Variants in TANK observed in about 807,000 individuals in gnomAD.
TANK encodes the protein TRAF family member associated NFKB activator.
Under a neutral mutation model 43.6 loss-of-function variants are expected in TANK, and 15 were observed. That is an observed-to-expected ratio of 0.34 (90% CI 0.23 to 0.53). The LOEUF is 0.53. Among genes scored for constraint, TANK ranks in the 20% least tolerant of loss-of-function variants. TANK has a pLI of 0.94. For missense variants in TANK, 417 were observed against 498.6 expected (o/e 0.84, Z 1.56); for synonymous variants, 162 against 178.2 (o/e 0.91, Z 0.73).
At chr2:161,210,553 C>T (rs917796222) in intron 4 of TANK, among the ~76,000 whole-genome samples, 4 of 151,698 alleles carry the variant, frequency 2.6e-5, no homozygotes, top group African/African-American at 4.8e-5. Context: ...AAAAATTAGC[C>T]GGGCGTGGTG....
intron 3 of TANK, among the ~76,000 whole-genome samples, chr2:161,204,334 AAAT>A (rs1008438397): frequency 1.3e-5 from 2 of 152,186 alleles, no homozygotes; most frequent in Non-Finnish European, 2.9e-5. Context: ...GTCATAATAC[AAAT>A]AATTATCTTA....
intron 1 of TANK, among the ~76,000 whole-genome samples, chr2:161,138,710 G>T (rs1433776174): frequency 1.3e-5 from 2 of 152,194 alleles, no homozygotes; most frequent in East Asian, 3.8e-4. Flanking sequence ...GCAATGTCTA[G>T]TTACTTCTTT....
chr2:161,151,901 G>A (rs574782146), intron 1 of TANK, among the ~76,000 whole-genome samples: 9 of 151,802 alleles, frequency 5.9e-5, no homozygotes, highest in South Asian at 2.1e-4. Context: ...TATTCTTAGT[G>A]GTATACCATT....
At chr2:161,150,085 C>T (rs1031905396) in intron 1 of TANK, among the ~76,000 whole-genome samples, 1 of 152,004 alleles carries the variant, frequency 6.6e-6, no homozygotes, top group South Asian at 2.1e-4. Flanking sequence ...GTAGAATTCA[C>T]CAGTGAAGCT....
intron 4 of TANK, chr2:161,208,118 T>C: frequency 1.0e-6 from 1 of 972,388 alleles, no homozygotes; most frequent in African/African-American, 1.8e-5. Flanking sequence ...TTTGTTTTGT[T>C]TAGGATTTTG....
chr2:161,203,829 A>G (rs1423441659), intron 3 of TANK, among the ~76,000 whole-genome samples: 1 of 152,198 alleles, frequency 6.6e-6, no homozygotes, highest in East Asian at 1.9e-4. Context: ...CTTCCTAAAA[A>G]GCAATTTGCC....
chr2:161,160,645 A>G (rs1252393925), intron 1 of TANK, 159 bp downstream of exon 1: 2 of 594,870 alleles, frequency 3.4e-6, no homozygotes, highest in Non-Finnish European at 5.3e-6. Context: ...TTGGGGAGGG[A>G]TTTTGTGCGG....
intron 1 of TANK, among the ~76,000 whole-genome samples, chr2:161,167,576 G>A (rs1308403792): frequency 6.6e-6 from 1 of 152,078 alleles, no homozygotes; most frequent in Non-Finnish European, 1.5e-5. Flanking sequence ...GCCTTGGGGG[G>A]TTGCTCCATT....
intron 1 of TANK, among the ~76,000 whole-genome samples, chr2:161,142,815 G>C (rs1293874212): frequency 1.3e-5 from 2 of 152,044 alleles, no homozygotes; most frequent in African/African-American, 4.8e-5. Context: ...CTCTTTTGGG[G>C]TTTCCATATG....
intron 1 of TANK, 134 bp from the exon 2 acceptor site, chr2:161,179,480 G>A: frequency 1.5e-6 from 1 of 652,860 alleles, no homozygotes. Flanking sequence ...CAGGATTTTA[G>A]ATGAGACTTA....
At chr2:161,151,070 A>G (rs921426044) in intron 1 of TANK, among the ~76,000 whole-genome samples, 3 of 152,186 alleles carry the variant, frequency 2.0e-5, no homozygotes, top group Non-Finnish European at 4.4e-5. Context: ...CTTAATTTGC[A>G]CATATTTGTA....
At chr2:161,139,235 C>T (rs1038152507) in intron 1 of TANK, among the ~76,000 whole-genome samples, 26 of 152,070 alleles carry the variant, frequency 1.7e-4, no homozygotes, top group East Asian at 1.9e-4. Context: ...GAGCAGTCAA[C>T]CTTGTCTTGT....
At chr2:161,173,596 T>C (rs1371761989) in intron 1 of TANK, among the ~76,000 whole-genome samples, 1 of 152,178 alleles carries the variant, frequency 6.6e-6, no homozygotes, top group Admixed American at 6.5e-5. Flanking sequence ...CAAATGCTTA[T>C]ACCTGTGCTA....
chr2:161,194,978 C>T (rs1253675683), intron 2 of TANK, among the ~76,000 whole-genome samples: 1 of 152,028 alleles, frequency 6.6e-6, no homozygotes, highest in African/African-American at 2.4e-5. Flanking sequence ...AGTTTCTGAT[C>T]AAAGCTTTAT....
At chr2:161,209,476 C>CT (rs1321856413) in intron 4 of TANK, among the ~76,000 whole-genome samples, 1 of 152,040 alleles carries the variant, frequency 6.6e-6, no homozygotes, top group African/African-American at 2.4e-5. Flanking sequence ...GTTTAATTCA[C>CT]TTTTTTAAAA....
At chr2:161,217,585 TTGTG>T (rs375688309) in intron 4 of TANK, among the ~76,000 whole-genome samples, 2,733 of 136,582 alleles carry the variant, frequency 0.02, 33 homozygotes, top group Middle Eastern at 0.057. Flanking sequence ...GGTAGTTGGT[TTGTG>T]TGTGTGTGTG....
At chr2:161,156,215 C>G (rs2105236824), upstream of TANK, 1 of 985,314 alleles carries the variant, frequency 1.0e-6, no homozygotes, top group East Asian at 1.1e-4. Flanking sequence ...ACTTTCCAGT[C>G]ATATTTTGGA....
At position 161,229,021 on chromosome 2, in the gene TANK, C is replaced by T. The variant is rs370541178; in HGVS notation, c.521-1950C>T. On this transcript the variant is annotated intron_variant, in intron 6 of 7. Coordinates refer to ENST00000392749, the MANE Select transcript of TANK (RefSeq NM_001199135.3). ...TAAGACTGCATTTCTCAAAATGTTC[C>T]GTCGTTAAGTGACACATAACTATAT... 8.5e-5 allele frequency among the ~76,000 whole-genome samples: 13 copies of T among 152,276 alleles called. 1 individual carries two copies. The highest frequency in any genetic ancestry group is 1.9e-4 in the East Asian group (1 of 5,190).
chr2:161,207,301 C>T, intron 4 of TANK: 1 of 692,904 alleles, frequency 1.4e-6, no homozygotes, highest in Non-Finnish European at 1.8e-6. Flanking sequence ...AGGAAAAGCT[C>T]CAAGTAAGGA....
Sources: allele counts gnomAD v4.1 joint callset (sites outside exome capture counted in the v4.1 genomes callset), GRCh38; gene constraint gnomAD v4.1.1; transcripts MANE v1.5; gene names NCBI Gene and HGNC (gene_info 2026-07-23, HGNC 2026-07-21).